CELF2: variants seen among roughly 807,000 people sequenced by gnomAD.
CELF2 encodes the protein CUG triplet repeat RNA-binding protein 2.
In CELF2, 8 loss-of-function variants were observed where a neutral mutation model predicts 62.6. The observed-to-expected ratio is 0.13, with a 90% CI of 0.07 to 0.23. The LOEUF is 0.23. Among genes scored for constraint, CELF2 ranks in the 10% least tolerant of loss-of-function variants. CELF2 has a pLI of 1.00. For synonymous variants in CELF2, 258 were observed against 250.0 expected (o/e 1.03, Z -0.30); for missense variants, 333 against 671.0 (o/e 0.50, Z 5.56).
At chr10:10,566,510 T>C in the CELF2 span, among the ~76,000 whole-genome samples, 1 of 151,140 alleles carries the variant, frequency 6.6e-6, no homozygotes, top group Non-Finnish European at 1.5e-5. Flanking sequence ...GCTGGTGCAC[T>C]GCACCCACTA....
upstream of CELF2, among the ~76,000 whole-genome samples, chr10:11,001,581 C>A (rs547818424): frequency 6.6e-6 from 1 of 152,282 alleles, no homozygotes; most frequent in South Asian, 2.1e-4. Context: ...TTAGAAAGCT[C>A]AAATCTGAAA....
the CELF2 span, among the ~76,000 whole-genome samples, chr10:10,773,359 C>G: frequency 2.0e-5 from 3 of 152,160 alleles, no homozygotes; most frequent in Admixed American, 6.5e-5. Context: ...CTTTTCAAAC[C>G]CGAACACTTC....
At chr10:10,572,206 CT>C in the CELF2 span, among the ~76,000 whole-genome samples, 91 of 148,460 alleles carry the variant, frequency 6.1e-4, no homozygotes, top group African/African-American at 1.7e-3. Flanking sequence ...GGAATTCAGA[CT>C]TTTTTTTTTA....
At chr10:11,228,509 A>G (rs2136279361) in intron 3 of CELF2, among the ~76,000 whole-genome samples, 1 of 152,338 alleles carries the variant, frequency 6.6e-6, no homozygotes, top group East Asian at 1.9e-4. Context: ...ACTAGATACA[A>G]GTATGATAAG....
the CELF2 span, among the ~76,000 whole-genome samples, chr10:10,614,540 T>C: frequency 2.0e-4 from 30 of 152,220 alleles, no homozygotes; most frequent in East Asian, 5.6e-3. Flanking sequence ...TCAGACCTGA[T>C]CGTGAGTGAT....
intron 2 of CELF2, among the ~76,000 whole-genome samples, chr10:11,190,289 T>C (rs2075990675): frequency 6.6e-6 from 1 of 151,848 alleles, no homozygotes; most frequent in Non-Finnish European, 1.5e-5. Context: ...GTCTTGGGAA[T>C]GAACATCAAA....
At position 11,331,676 on chromosome 10, in the gene CELF2, ATTGTTATTGT is replaced by A. The variant is rs2096024467; in HGVS notation, c.*2632_*2641del. The A allele has an allele frequency of 6.6e-6, 1 of 152,392 alleles. No homozygotes were observed. The highest frequency in any genetic ancestry group is 1.5e-5 in the Non-Finnish European group (1 of 67,966). 9.4% of individuals were successfully genotyped at this position (152,392 alleles called of 1,614,324 possible). A position where few individuals can be genotyped will look rare whatever the true frequency, so the allele number is the denominator to read the frequency against. ...CTATCCTGTGGTCTTGTTGCCTGAA[ATTGTTATTGT>A]TTGTTATTTCTCTCTGATGTTTTTT... On this transcript the variant is annotated 3_prime_UTR_variant, in exon 13 of 13. Transcript: ENST00000633077.
At chr10:10,717,858 T>C in the CELF2 span, among the ~76,000 whole-genome samples, 1 of 152,206 alleles carries the variant, frequency 6.6e-6, no homozygotes, top group South Asian at 2.1e-4. Context: ...AGTGTCTCTG[T>C]GGATATTAAT....
At chr10:11,216,086 C>A (rs971224273) in intron 2 of CELF2, among the ~76,000 whole-genome samples, 2 of 152,210 alleles carry the variant, frequency 1.3e-5, no homozygotes, top group Non-Finnish European at 2.9e-5. Flanking sequence ...TCAAGTGATA[C>A]ATTTGAAGGG....
At chr10:10,882,132 C>G (rs1184032921) in intron 1 of CELF2, among the ~76,000 whole-genome samples, 1 of 152,208 alleles carries the variant, frequency 6.6e-6, no homozygotes, top group Non-Finnish European at 1.5e-5. Flanking sequence ...GAATGGTTAT[C>G]AACATTGTTT....
chr10:10,616,675 C>CATGT, the CELF2 span, among the ~76,000 whole-genome samples: 13 of 134,012 alleles, frequency 9.7e-5, no homozygotes, highest in African/African-American at 3.7e-4. Context: ...CACCCAAATT[C>CATGT]GTGTGTGTGT....
chr10:11,061,631 G>C (rs191705336), intron 1 of CELF2, among the ~76,000 whole-genome samples: 1 of 152,200 alleles, frequency 6.6e-6, no homozygotes, highest in Admixed American at 6.5e-5. Flanking sequence ...AGGACAGATT[G>C]ATTATCTTAT....
At chr10:10,950,684 TTA>T (rs1005502638) in intron 2 of CELF2, among the ~76,000 whole-genome samples, 20 of 152,316 alleles carry the variant, frequency 1.3e-4, no homozygotes, top group Middle Eastern at 3.4e-3. Flanking sequence ...GTTTACTTAT[TTA>T]TCATTTTTGC....
the CELF2 span, among the ~76,000 whole-genome samples, chr10:10,591,790 A>T: frequency 1.3e-5 from 2 of 152,234 alleles, no homozygotes; most frequent in Admixed American, 6.5e-5. Context: ...TGTCACCAGT[A>T]GCTCTGCTGT....
intron 1 of CELF2, among the ~76,000 whole-genome samples, chr10:10,915,726 C>T (rs753301693): frequency 2.0e-5 from 3 of 152,198 alleles, no homozygotes; most frequent in Non-Finnish European, 4.4e-5. Flanking sequence ...TAAGCCACGG[C>T]ACCCGGCCCT....
At chr10:11,116,538 G>A (rs2056604657) in intron 1 of CELF2, among the ~76,000 whole-genome samples, 1 of 152,220 alleles carries the variant, frequency 6.6e-6, no homozygotes, top group Admixed American at 6.5e-5. Flanking sequence ...CAGGTCTTGA[G>A]CGCTAGTGCC....
chr10:11,054,302 T>C (rs1230298392), intron 1 of CELF2, among the ~76,000 whole-genome samples: 2 of 152,354 alleles, frequency 1.3e-5, no homozygotes, highest in Non-Finnish European at 2.9e-5. Flanking sequence ...CTTGCCCTTA[T>C]TGTATCATCC....
At chr10:10,611,292 C>T in the CELF2 span, among the ~76,000 whole-genome samples, 3 of 152,100 alleles carry the variant, frequency 2.0e-5, no homozygotes, top group Non-Finnish European at 4.4e-5. Flanking sequence ...CATTGAGAAC[C>T]AACACAGCAA....
Position 11,302,872 on chromosome 10 carries a change from C to A in CELF2, c.977-11267C>A, listed in dbSNP as rs576829369. 2.1e-4 allele frequency among the ~76,000 whole-genome samples: 32 copies of A among 152,286 alleles called. No homozygotes were observed. Among genetic ancestry groups the A allele is most frequent in the Non-Finnish European group, 4.3e-4 (29 of 68,016 alleles). ...GAGTTCTGCCTGGAAGCATTAGAATCCTGCCTTCCCGGAGTCCTCTCTTTC... is the reference window on the plus strand; with the variant it reads ...GAGTTCTGCCTGGAAGCATTAGAATACTGCCTTCCCGGAGTCCTCTCTTTC... On this transcript the variant is annotated intron_variant, in intron 9 of 12. Coordinates refer to ENST00000633077, the MANE Select transcript of CELF2 (RefSeq NM_001326342.2). The surrounding 1 kb of genome is among the most constrained non-coding windows in gnomAD (Gnocchi z 5.0).
Sources: gnomAD v4.1 joint callset for allele counts (sites outside exome capture counted in the v4.1 genomes callset) on GRCh38, gnomAD v4.1.1 for gene constraint, Gnocchi (gnomAD v3.1) non-coding constraint, MANE v1.5 for transcripts, NCBI Gene and HGNC (gene_info 2026-07-23, HGNC 2026-07-21) for gene names.